Variants in UBE2E2 observed in about 807,000 individuals in gnomAD.
The protein encoded by UBE2E2 is ubiquitin-conjugating enzyme E2 E2.
UBE2E2 carries 6 observed loss-of-function variants against 24.7 expected under a neutral mutation model. That is an observed-to-expected ratio of 0.24 (90% CI 0.13 to 0.48). The LOEUF (loss-of-function observed/expected upper bound fraction) is 0.48. UBE2E2 is among the 20% of genes least tolerant of loss of function. The pLI, the probability that UBE2E2 is intolerant of heterozygous loss-of-function variation, is 0.99. For missense variants in UBE2E2, 169 were observed against 245.0 expected, an observed-to-expected ratio of 0.69 and a Z score of 2.07; for synonymous variants, 104 against 83.6, an observed-to-expected ratio of 1.24 and a Z score of -1.33.
At chr3:23,332,542 A>G (rs531726041) in intron 3 of UBE2E2, among the ~76,000 whole-genome samples, 81 of 152,354 alleles carry the variant, frequency 5.3e-4, no homozygotes, top group Middle Eastern at 6.8e-3. Context: ...ACTGTATGTA[A>G]TAAGATTTTG....
intron 3 of UBE2E2, among the ~76,000 whole-genome samples, chr3:23,451,347 A>G (rs1698558812): frequency 6.6e-6 from 1 of 152,210 alleles, no homozygotes; most frequent in South Asian, 2.1e-4. Flanking sequence ...TAGAGGTAGT[A>G]CTTACCTAAG....
chr3:23,246,222 A>ATTTTTTTTTTTTT lies in UBE2E2; in HGVS notation c.227+28913_227+28925dup, dbSNP rs398051684. ...AGGTGTATGCCACCATGCGTGGCTAATTTTTTTTTTTTTTTCGAGATGGAG... is the reference window on the plus strand; with the variant it reads ...AGGTGTATGCCACCATGCGTGGCTAATTTTTTTTTTTTTTTTTTTTTTTTTTTTCGAGATGGAG... On this transcript the variant is annotated intron_variant, in intron 3 of 5. Transcript: ENST00000396703. Among the ~76,000 whole-genome samples, 12 of 102,208 alleles carry ATTTTTTTTTTTTT rather than the reference A, an allele frequency of 1.2e-4. 3 individuals carry two copies. Among genetic ancestry groups the ATTTTTTTTTTTTT allele is most frequent in the East Asian group, 2.7e-4 (1 of 3,748 alleles). 67.1% of individuals were successfully genotyped at this position (102,208 alleles called of 152,430 possible).
intron 3 of UBE2E2, among the ~76,000 whole-genome samples, chr3:23,473,103 A>T (rs1332036517): frequency 6.6e-6 from 1 of 152,062 alleles, no homozygotes; most frequent in Non-Finnish European, 1.5e-5. Context: ...GGTCCATGGC[A>T]CCTGATTTAA....
chr3:23,348,347 C>CAAAA (rs35038477), intron 3 of UBE2E2, among the ~76,000 whole-genome samples: 1 of 121,944 alleles, frequency 8.2e-6, no homozygotes, highest in Non-Finnish European at 1.7e-5. Flanking sequence ...GTGCTGCTTT[C>CAAAA]AAAAAAAAAA....
At chr3:23,271,529 G>A (rs1698242489) in intron 3 of UBE2E2, among the ~76,000 whole-genome samples, 1 of 152,166 alleles carries the variant, frequency 6.6e-6, no homozygotes, top group Non-Finnish European at 1.5e-5. Flanking sequence ...CCCACCCACA[G>A]CCTACTGATT....
chr3:23,561,168 T>A (rs7430428), intron 5 of UBE2E2, among the ~76,000 whole-genome samples: 33,891 of 152,086 alleles, frequency 0.22, 3,846 homozygotes, highest in Non-Finnish European at 0.25. Context: ...CTGAATGGTA[T>A]TGCCTAGGTT....
chr3:23,404,331 T>G (rs567493288), intron 3 of UBE2E2, among the ~76,000 whole-genome samples: 28 of 152,322 alleles, frequency 1.8e-4, no homozygotes, highest in Non-Finnish European at 3.4e-4. Flanking sequence ...TCTGCCTCCA[T>G]GCTTAGCTGT....
chr3:23,342,388 C>A (rs1162828558), intron 3 of UBE2E2, among the ~76,000 whole-genome samples: 1 of 151,972 alleles, frequency 6.6e-6, no homozygotes, highest in Non-Finnish European at 1.5e-5. Context: ...TTGCCCAGGA[C>A]CTTAGCTTAT....
intron 3 of UBE2E2, among the ~76,000 whole-genome samples, chr3:23,389,361 A>G (rs1575600461): frequency 6.6e-6 from 1 of 152,190 alleles, no homozygotes; most frequent in East Asian, 1.9e-4. Flanking sequence ...AATCACACAC[A>G]TCTCAGTCAG....
At chr3:23,347,105 G>A (rs1241737366) in intron 3 of UBE2E2, among the ~76,000 whole-genome samples, 3 of 152,156 alleles carry the variant, frequency 2.0e-5, no homozygotes, top group Non-Finnish European at 4.4e-5. Context: ...ATAGTCCATA[G>A]GGACTGTAAA....
At position 23,381,387 on chromosome 3, in the gene UBE2E2, A is replaced by G. The variant is rs560809601; in HGVS notation, c.228-118221A>G. Among the ~76,000 whole-genome samples the G allele has an allele frequency of 6.7e-5, 10 of 148,352 alleles. No individual in the cohort carries two copies. In the South Asian group the frequency reaches 2.0e-3, roughly 29 times the overall value. ...ATAATTTTCACTGTCCATGGAGAAG[A>G]AAAAAATGTCATTTGATCATATGGC... On this transcript the variant is annotated intron_variant, in intron 3 of 5. Transcript: ENST00000396703.
chr3:23,296,629 G>C (rs999435057), intron 3 of UBE2E2, among the ~76,000 whole-genome samples: 1 of 152,194 alleles, frequency 6.6e-6, no homozygotes, highest in East Asian at 1.9e-4. Context: ...CCCTGCAAAG[G>C]ACATGAACTC....
intron 3 of UBE2E2, among the ~76,000 whole-genome samples, chr3:23,385,964 AAAAC>A (rs1696795928): frequency 1.3e-5 from 2 of 152,240 alleles, no homozygotes; most frequent in African/African-American, 2.4e-5. Context: ...GAAGGAAAGT[AAAAC>A]AAACTAAATT....
intron 3 of UBE2E2, among the ~76,000 whole-genome samples, chr3:23,387,974 T>C (rs1696840405): frequency 6.6e-6 from 1 of 152,150 alleles, no homozygotes; most frequent in Admixed American, 6.5e-5. Flanking sequence ...AACAACCAAA[T>C]GACTGAGAGG....
At chr3:23,556,454 T>TTAAAAAAAAAAAAAAA (rs1553620573) in intron 5 of UBE2E2, among the ~76,000 whole-genome samples, 3 of 94,342 alleles carry the variant, frequency 3.2e-5, no homozygotes, top group Non-Finnish European at 6.2e-5. Context: ...AAAATTTATT[T>TTAAAAAAAAAAAAAAA]AAAAAAAAAA....
At chr3:23,210,419 C>A (rs1037152178) in intron 2 of UBE2E2, among the ~76,000 whole-genome samples, 4 of 152,164 alleles carry the variant, frequency 2.6e-5, no homozygotes, top group Admixed American at 2.6e-4. Flanking sequence ...TAACTGGGAG[C>A]ACCACTATAA....
At chr3:23,217,053 G>C (rs1256639356) in intron 2 of UBE2E2, among the ~76,000 whole-genome samples, 1 of 152,126 alleles carries the variant, frequency 6.6e-6, no homozygotes, top group East Asian at 1.9e-4. Flanking sequence ...CAGGTTGCAT[G>C]CACTGGTAGT....
intron 3 of UBE2E2, among the ~76,000 whole-genome samples, chr3:23,257,620 C>T (rs1697771921): frequency 6.8e-6 from 1 of 147,800 alleles, no homozygotes; most frequent in Admixed American, 6.8e-5. Flanking sequence ...ATCCTCCCAC[C>T]TCAGCCTCCG....
chr3:23,431,631 A>G (rs777854779), intron 3 of UBE2E2, among the ~76,000 whole-genome samples: 2 of 152,224 alleles, frequency 1.3e-5, no homozygotes, highest in Non-Finnish European at 2.9e-5. Flanking sequence ...TTATAGATTT[A>G]CCATCACTTC....
Sources: gnomAD v4.1 joint callset for allele counts (sites outside exome capture counted in the v4.1 genomes callset) on GRCh38, gnomAD v4.1.1 for gene constraint, MANE v1.5 for transcripts, NCBI Gene and HGNC (gene_info 2026-07-23, HGNC 2026-07-21) for gene names.